The following CSGALNACT1 variants were observed in gnomAD, a reference collection of about 807,000 sequenced individuals.
CSGALNACT1 encodes the protein chondroitin sulfate N-acetylgalactosaminyltransferase 1.
Under a neutral mutation model 51.0 loss-of-function variants are expected in CSGALNACT1, and 52 were observed. That is an observed-to-expected ratio of 1.02 (90% CI 0.82 to 1.29). The LOEUF (loss-of-function observed/expected upper bound fraction) is 1.29, where lower values mean the gene tolerates loss of function less well. CSGALNACT1 is among the 50% of genes most tolerant of loss of function. The pLI is 0.00. For missense variants in CSGALNACT1, 935 were observed against 679.2 expected, an observed-to-expected ratio of 1.38 and a Z score of -4.19; for synonymous variants, 341 against 254.4, an observed-to-expected ratio of 1.34 and a Z score of -3.24.
At chr8:19,420,342 G>T in exon 7 of CSGALNACT1, 1 of 1,614,062 alleles carries the variant, frequency 6.2e-7, no homozygotes, top group Non-Finnish European at 8.5e-7. Flanking sequence ...ATCCATACCT[G>T]GCTGTGTATT....
chr8:19,677,804 G>C (rs970693340), intron 1 of CSGALNACT1, among the ~76,000 whole-genome samples: 1 of 152,188 alleles, frequency 6.6e-6, no homozygotes, highest in Admixed American at 6.5e-5. Flanking sequence ...AATAGGTAAA[G>C]CAGAAATTCA....
intron 1 of CSGALNACT1, among the ~76,000 whole-genome samples, chr8:19,711,698 A>T (rs2062514070): frequency 6.6e-6 from 1 of 152,218 alleles, no homozygotes; most frequent in African/African-American, 2.4e-5. Context: ...TCTCAATATG[A>T]CATCTCACAG....
intron 5 of CSGALNACT1, among the ~76,000 whole-genome samples, 196 bp from the exon 5 acceptor site, chr8:19,440,127 A>C (rs1002533610): frequency 1.3e-5 from 2 of 152,192 alleles, no homozygotes; most frequent in Non-Finnish European, 2.9e-5. Context: ...TTATCGGGAC[A>C]ACAAGGAAAT....
intron 1 of CSGALNACT1, among the ~76,000 whole-genome samples, chr8:19,699,045 CT>C (rs374865661): frequency 5.3e-5 from 8 of 151,530 alleles, no homozygotes; most frequent in African/African-American, 1.9e-4. Context: ...TTCTTTTTTT[CT>C]TTTTTTTGCT....
intron 1 of CSGALNACT1, among the ~76,000 whole-genome samples, chr8:19,622,255 T>C (rs1344889689): frequency 6.6e-6 from 1 of 152,242 alleles, no homozygotes; most frequent in Non-Finnish European, 1.5e-5. Flanking sequence ...TGTTTTATTG[T>C]TTAGGGATCC....
At chr8:19,510,857 G>C (rs774295739) in intron 3 of CSGALNACT1, among the ~76,000 whole-genome samples, 42 of 152,214 alleles carry the variant, frequency 2.8e-4, no homozygotes, top group South Asian at 6.2e-4. Context: ...AGGCAGGTCA[G>C]GTTTGTTTCA....
At chr8:19,417,038 T>C (rs1020401912) in intron 8 of CSGALNACT1, among the ~76,000 whole-genome samples, 2 of 151,964 alleles carry the variant, frequency 1.3e-5, no homozygotes, top group African/African-American at 2.4e-5. Flanking sequence ...TATTTTTTAG[T>C]AGAGATGGGT....
chr8:19,644,899 A>C (rs570230856), intron 1 of CSGALNACT1, among the ~76,000 whole-genome samples: 109 of 152,278 alleles, frequency 7.2e-4, no homozygotes, highest in African/African-American at 1.9e-3. Context: ...TATCCATAAA[A>C]GTCTTATCCC....
At chr8:19,540,028 CAG>C (rs1415562026) in intron 3 of CSGALNACT1, among the ~76,000 whole-genome samples, 3 of 152,110 alleles carry the variant, frequency 2.0e-5, no homozygotes, top group Non-Finnish European at 4.4e-5. Flanking sequence ...CCCAAAGACA[CAG>C]AGAGAGTAGC....
At chr8:19,539,328 T>C (rs1042383762) in intron 3 of CSGALNACT1, among the ~76,000 whole-genome samples, 2 of 152,210 alleles carry the variant, frequency 1.3e-5, no homozygotes, top group East Asian at 3.9e-4. Flanking sequence ...TTGACCTTCA[T>C]AGAAAGAAAC....
chr8:19,646,232 C>T (rs1184622955), intron 1 of CSGALNACT1, among the ~76,000 whole-genome samples: 4 of 152,168 alleles, frequency 2.6e-5, no homozygotes, highest in Non-Finnish European at 5.9e-5. Context: ...AGAACACTGC[C>T]TGGCATGTAT....
chr8:19,538,099 T>C (rs770031889), intron 3 of CSGALNACT1, among the ~76,000 whole-genome samples: 1 of 151,972 alleles, frequency 6.6e-6, no homozygotes, highest in Non-Finnish European at 1.5e-5. Flanking sequence ...AGGAGGATGC[T>C]TGAGGCCAGG....
At chr8:19,582,502 A>T (rs1163529887) in intron 3 of CSGALNACT1, among the ~76,000 whole-genome samples, 3 of 152,214 alleles carry the variant, frequency 2.0e-5, no homozygotes, top group African/African-American at 7.2e-5. Flanking sequence ...GAAGAAAATC[A>T]TCTGGCTTCA....
intron 4 of CSGALNACT1, among the ~76,000 whole-genome samples, chr8:19,483,728 G>T (rs4922040): frequency 0.35 from 52,882 of 152,038 alleles, 9,725 homozygotes; most frequent in African/African-American, 0.42. Context: ...CATCTGTGCA[G>T]CCCAGGGCCA....
At chr8:19,635,111 G>C (rs2055852847) in intron 1 of CSGALNACT1, among the ~76,000 whole-genome samples, 1 of 152,302 alleles carries the variant, frequency 6.6e-6, no homozygotes, top group South Asian at 2.1e-4. Flanking sequence ...TAATAAATAA[G>C]ATCTGTTTAC....
chr8:19,625,393 A>G (rs563126404), intron 1 of CSGALNACT1, among the ~76,000 whole-genome samples: 6 of 152,356 alleles, frequency 3.9e-5, no homozygotes, highest in Admixed American at 3.9e-4. Flanking sequence ...TTATACATGA[A>G]GAAACTGAAG....
chr8:19,473,031 C>T (rs908930777), intron 4 of CSGALNACT1, among the ~76,000 whole-genome samples: 2 of 152,072 alleles, frequency 1.3e-5, no homozygotes, highest in African/African-American at 2.4e-5. Context: ...TGTATTACTG[C>T]TCTCAGTCAA....
At chr8:19,530,722 C>A (rs181389274) in intron 3 of CSGALNACT1, among the ~76,000 whole-genome samples, 1 of 152,072 alleles carries the variant, frequency 6.6e-6, no homozygotes, top group African/African-American at 2.4e-5. Context: ...CAGAGCAAGA[C>A]CTTATCTCAT....
chr8:19,432,979 C>A, intron 6 of CSGALNACT1, among the ~76,000 whole-genome samples: 1 of 151,818 alleles, frequency 6.6e-6, no homozygotes, highest in African/African-American at 2.4e-5. Flanking sequence ...GTGCATGAGC[C>A]TTAGTTTCTT....
Sources: allele counts gnomAD v4.1 joint callset (sites outside exome capture counted in the v4.1 genomes callset), GRCh38; gene constraint gnomAD v4.1.1; transcripts MANE v1.5; gene names NCBI Gene and HGNC (gene_info 2026-07-23, HGNC 2026-07-21).